The following HPD variants were observed in gnomAD, a reference collection of about 807,000 sequenced individuals.
HPD encodes 4-hydroxyphenylpyruvic acid oxidase.
HPD carries 35 observed loss-of-function variants against 56.9 expected under a neutral mutation model. The observed-to-expected ratio is 0.62, with a 90% CI of 0.47 to 0.82. The LOEUF is 0.82. Among genes scored for constraint, HPD ranks in the 40% least tolerant of loss-of-function variants. The probability of loss-of-function intolerance (pLI) is 0.00; values close to 1 mark genes in which losing one functional copy is unlikely to be tolerated. For synonymous variants in HPD, 186 were observed against 200.2 expected (o/e 0.93, Z 0.60); for missense variants, 442 against 506.8 (o/e 0.87, Z 1.23).
intron 12 of HPD, 78 bp downstream of exon 12, chr12:121,843,632 T>G: frequency 2.6e-6 from 4 of 1,566,194 alleles, no homozygotes; most frequent in Non-Finnish European, 3.5e-6. Flanking sequence ...CCCTCCGGGC[T>G]GAGACAATAT....
At position 121,849,021 on chromosome 12, in the gene HPD, C is replaced by T. The variant is rs1877675977; in HGVS notation, c.574G>A (p.Glu192Lys). Residue 192 changes from glutamate to lysine, a missense_variant, in exon 9 of 14, where the codon GAG becomes AAG. Glu to Lys is a moderately conservative substitution (Grantham distance 56). Coordinates refer to ENST00000289004, the MANE Select transcript of HPD (RefSeq NM_002150.3). ...DHIVGNQPDQ[E>K]MVSASEWYLK... Reference sequence around the variant, plus strand: ...CACCATTCGGAGGCGGACACCATCTCCTGATCAGGCTGGTTTCCCACAATG... The same window carrying T: ...CACCATTCGGAGGCGGACACCATCTTCTGATCAGGCTGGTTTCCCACAATG... 2 of 1,613,718 alleles carry T rather than the reference C, an allele frequency of 1.2e-6. No homozygotes were observed. The highest frequency in any genetic ancestry group is 2.7e-5 in the African/African-American group (2 of 74,878).
At chr12:121,846,954 G>A (rs772013726) in intron 10 of HPD, 21 bp from the exon 11 acceptor site, 11 of 1,613,558 alleles carry the variant, frequency 6.8e-6, no homozygotes, top group Admixed American at 3.3e-5. Flanking sequence ...GAAACAAGGA[G>A]ACCACTGTCA....
At chr12:121,864,687 A>G (rs1038969018), upstream of HPD, among the ~76,000 whole-genome samples, 3 of 151,722 alleles carry the variant, frequency 2.0e-5, no homozygotes, top group Non-Finnish European at 2.9e-5. Flanking sequence ...CCCCGTCTCT[A>G]CTAAAAATAC....
intron 9 of HPD, among the ~76,000 whole-genome samples, chr12:121,847,940 A>G (rs886167754): frequency 6.6e-6 from 1 of 152,172 alleles, no homozygotes; most frequent in African/African-American, 2.4e-5. Context: ...TAAGATTCCA[A>G]ATATGGGCCA....
At chr12:121,850,543 G>A (rs552795842) in intron 7 of HPD, among the ~76,000 whole-genome samples, 10 of 144,268 alleles carry the variant, frequency 6.9e-5, no homozygotes, top group African/African-American at 1.8e-4. Context: ...GCACGATCTC[G>A]GCTTACTGCA....
Position 121,839,938 on chromosome 12 carries a change from G to A in HPD, c.1065C>T (p.Asn355=). 7.4e-6 allele frequency: 12 copies of A among 1,613,428 alleles called. No individual in the cohort carries two copies. The highest frequency in any genetic ancestry group is 1.0e-5 in the Non-Finnish European group (12 of 1,179,334). The change falls in exon 13 of 14, where the codon AAC becomes AAT. Residue 355 remains asparagine, a synonymous_variant. Coordinates refer to ENST00000289004, the MANE Select transcript of HPD (RefSeq NM_002150.3). ...TLFLEVIQRH[N]HQGFGAGNFN... ...TGCCGGGGACAAGCAGTACCTGGTG[G>A]TTGTGGCGCTGGATGACTTCCAGGA...
Position 121,849,212 on chromosome 12 carries a change from C to G in HPD, c.519-136G>C, listed in dbSNP as rs551332242. 4.0e-4 allele frequency: 236 copies of G among 592,086 alleles called. No individual in the cohort carries two copies. The African/African-American group carries it at 4.4e-3, about 11-fold the overall frequency. 36.7% of individuals were successfully genotyped at this position (592,086 alleles called of 1,614,324 possible). ...TTTTTTTGTAGAGATGGAGTCTCTA[C>G]AAAAAGAGAGACTCTTTTTTTTGCC... On this transcript the variant is annotated intron_variant, in intron 8 of 13. Transcript: ENST00000289004.
intron 7 of HPD, 68 bp from the exon 8 acceptor site, chr12:121,849,858 A>T: frequency 9.5e-7 from 1 of 1,050,720 alleles, no homozygotes; most frequent in Non-Finnish European, 1.5e-6. Flanking sequence ...AGCACATTTC[A>T]TAGCGCTAAC....
chr12:121,857,119 G>A (rs554991181), intron 4 of HPD: 19 of 560,628 alleles, frequency 3.4e-5, no homozygotes, highest in South Asian at 1.2e-4. Context: ...TTGCTCTGTC[G>A]CCCAGGCTGG....
the HPD span, among the ~76,000 whole-genome samples, chr12:121,869,956 A>ATTC: frequency 2.0e-5 from 3 of 151,850 alleles, no homozygotes; most frequent in Non-Finnish European, 1.5e-5. Context: ...TATTATTATT[A>ATTC]TTTTAGAGAT....
intron 8 of HPD, 94 bp downstream of exon 8, chr12:121,849,593 C>A: frequency 2.3e-6 from 2 of 879,244 alleles, no homozygotes; most frequent in East Asian, 2.5e-5. Context: ...CCATTCTGCC[C>A]CAACACACAT....
chr12:121,843,876 C>T (rs1423583159), intron 11 of HPD, 44 bp from the exon 12 acceptor site: 12 of 1,613,548 alleles, frequency 7.4e-6, no homozygotes, highest in Admixed American at 3.3e-5. Context: ...CCTCCAAGTT[C>T]AACTCCCCTA....
the HPD span, among the ~76,000 whole-genome samples, chr12:121,887,681 T>C: frequency 6.6e-6 from 1 of 152,208 alleles, no homozygotes; most frequent in Non-Finnish European, 1.5e-5. Flanking sequence ...CCATTGCATT[T>C]AGTTGATGCA....
Position 121,856,445 on chromosome 12 carries a change from G to A in HPD, c.242-39C>T, listed in dbSNP as rs186528457. ...GGAGAGGATGGCACTGGAGTCTGGAGTCTAGGTCCCCTCACCTGGCTTTTA... is the reference window on the plus strand; with the variant it reads ...GGAGAGGATGGCACTGGAGTCTGGAATCTAGGTCCCCTCACCTGGCTTTTA... On this transcript the variant is annotated intron_variant, in intron 5 of 13. Coordinates refer to ENST00000289004, the MANE Select transcript of HPD (RefSeq NM_002150.3). The A allele has an allele frequency of 3.1e-6, 5 of 1,603,958 alleles. No individual in the cohort carries two copies. The South Asian group carries it at 5.5e-5, about 18-fold the overall frequency.
chr12:121,869,207 G>A, the HPD span, among the ~76,000 whole-genome samples: 4 of 151,936 alleles, frequency 2.6e-5, no homozygotes, highest in Admixed American at 1.3e-4. Context: ...AAAATTAACC[G>A]GACATGGTGG....
upstream of HPD, among the ~76,000 whole-genome samples, chr12:121,865,435 AT>A (rs1271449552): frequency 6.6e-6 from 1 of 150,580 alleles, no homozygotes; most frequent in African/African-American, 2.4e-5. Flanking sequence ...ACACCCGGCT[AT>A]TTTTTGTATT....
chr12:121,874,860 CA>C, the HPD span, among the ~76,000 whole-genome samples: 1 of 151,848 alleles, frequency 6.6e-6, no homozygotes, highest in African/African-American at 2.4e-5. Flanking sequence ...CTCCCGGGTT[CA>C]AGCGATTCCC....
Position 121,849,726 on chromosome 12 carries a change from T to A in HPD, c.479A>T (p.Tyr160Phe). The change falls in exon 8 of 14, where the codon TAT (tyrosine) becomes TTT (phenylalanine). Residue 160 changes from tyrosine to phenylalanine, a missense_variant. Physicochemically the swap from Tyr to Phe is conservative, Grantham distance 22. Transcript: ENST00000289004. ...MNYIGQFLPG[Y>F]EAPAFMDPLL... ...GGGGTCCATGAACGCTGGGGCCTCA[T>A]ATCCAGGCAAGAATTGGCCGATGTA... 2.5e-6 allele frequency: 4 copies of A among 1,613,910 alleles called. No individual in the cohort carries two copies. The highest frequency in any genetic ancestry group is 3.4e-6 in the Non-Finnish European group (4 of 1,179,822).
chr12:121,860,554 C>A (rs987136539), upstream of HPD, among the ~76,000 whole-genome samples: 1 of 152,028 alleles, frequency 6.6e-6, no homozygotes, highest in Non-Finnish European at 1.5e-5. Flanking sequence ...GCCCAGTATC[C>A]AGAGTCCCCT....
Sources: allele counts gnomAD v4.1 joint callset (sites outside exome capture counted in the v4.1 genomes callset), GRCh38; gene constraint gnomAD v4.1.1; transcripts MANE v1.5; gene names NCBI Gene and HGNC (gene_info 2026-07-23, HGNC 2026-07-21).